The following STAG1 variants were observed in gnomAD, a reference collection of about 807,000 sequenced individuals.
The protein encoded by STAG1 is cohesin subunit SA-1.
STAG1 carries 26 observed loss-of-function variants against 170.9 expected under a neutral mutation model. The ratio of observed to expected loss-of-function variants is 0.15; its 90% CI spans 0.11 to 0.21. The LOEUF is 0.21. STAG1 is among the 10% of genes least tolerant of loss of function. The probability of loss-of-function intolerance (pLI) is 1.00; values close to 1 mark genes in which losing one functional copy is unlikely to be tolerated. For synonymous variants in STAG1, 514 were observed against 497.7 expected (o/e 1.03, Z -0.44); for missense variants, 964 against 1,509.5 (o/e 0.64, Z 5.99).
At chr3:136,747,812 G>A (rs1051285615) in intron 1 of STAG1, among the ~76,000 whole-genome samples, 5 of 145,652 alleles carry the variant, frequency 3.4e-5, no homozygotes, top group African/African-American at 1.3e-4. Flanking sequence ...GTCTCACTCT[G>A]TCACCCAGGC....
At chr3:136,506,772 G>C (rs1393438606) in intron 7 of STAG1, among the ~76,000 whole-genome samples, 1 of 152,032 alleles carries the variant, frequency 6.6e-6, no homozygotes, top group Non-Finnish European at 1.5e-5. Flanking sequence ...TTGTTTATTA[G>C]TTATGTAAGT....
At chr3:136,533,543 G>A (rs1347826901) in intron 6 of STAG1, among the ~76,000 whole-genome samples, 1 of 152,132 alleles carries the variant, frequency 6.6e-6, no homozygotes. Context: ...ACAGCAGAAC[G>A]TGAAGGTGAG....
chr3:136,536,157 A>C (rs1026956302), intron 6 of STAG1, among the ~76,000 whole-genome samples: 1 of 152,206 alleles, frequency 6.6e-6, no homozygotes, highest in African/African-American at 2.4e-5. Context: ...TCATTTAAGC[A>C]TCTCTCATAA....
At chr3:136,580,549 C>T (rs1416303018) in intron 4 of STAG1, among the ~76,000 whole-genome samples, 20 of 113,704 alleles carry the variant, frequency 1.8e-4, no homozygotes, top group African/African-American at 5.4e-4. Context: ...TTTTTTGAGA[C>T]GGAGTCTCGC....
intron 4 of STAG1, among the ~76,000 whole-genome samples, chr3:136,594,219 C>A (rs184276489): frequency 4.9e-4 from 74 of 152,246 alleles, no homozygotes; most frequent in Non-Finnish European, 3.2e-4. Context: ...TTGGTATAGT[C>A]ATAGAGTAAA....
intron 1 of STAG1, among the ~76,000 whole-genome samples, chr3:136,686,972 G>T (rs1381054167): frequency 1.3e-5 from 2 of 152,220 alleles, no homozygotes; most frequent in East Asian, 1.9e-4. Flanking sequence ...TTTATAAGGG[G>T]CTAACTGATC....
chr3:136,398,590 T>C (rs1047903824), intron 22 of STAG1, among the ~76,000 whole-genome samples, 159 bp downstream of exon 22: 1 of 152,090 alleles, frequency 6.6e-6, no homozygotes, highest in Admixed American at 6.6e-5. Context: ...AATGTATACT[T>C]ACTCATAAGA....
rs1338700727 is a variant in STAG1, at chr3:136,479,651, A to G, written c.903-2239T>C. On this transcript the variant is annotated intron_variant, in intron 9 of 33. Transcript: ENST00000383202. ...AGTTCTAGATCCCTGAGGAATCGCC[A>G]CACTGACTTCCACAATGGTTGAACT... Among the ~76,000 whole-genome samples, 2 of 50,316 alleles carry G rather than the reference A, an allele frequency of 4.0e-5. 1 individual carries two copies. The highest frequency in any genetic ancestry group is 8.5e-5 in the Non-Finnish European group (2 of 23,640). The allele number at this position is 50,316 out of a possible 152,430, so 33.0% of individuals were successfully genotyped here.
chr3:136,536,333 T>C (rs896738494), intron 6 of STAG1, among the ~76,000 whole-genome samples: 5 of 152,162 alleles, frequency 3.3e-5, no homozygotes, highest in African/African-American at 9.6e-5. Flanking sequence ...AAACAAATTA[T>C]ATGACCAGGG....
intron 4 of STAG1, among the ~76,000 whole-genome samples, chr3:136,574,436 C>T (rs1359787980): frequency 6.6e-6 from 1 of 151,654 alleles, no homozygotes; most frequent in African/African-American, 2.4e-5. Flanking sequence ...TTTATGTTTG[C>T]ATGGTGTATG....
intron 1 of STAG1, among the ~76,000 whole-genome samples, chr3:136,673,918 C>T (rs908929292): frequency 1.3e-5 from 2 of 151,860 alleles, no homozygotes; most frequent in East Asian, 1.9e-4. Context: ...GCCTGGGTAA[C>T]ATGGCAAAAC....
At chr3:136,627,573 C>A (rs533573525) in intron 2 of STAG1, among the ~76,000 whole-genome samples, 55 of 152,282 alleles carry the variant, frequency 3.6e-4, no homozygotes, top group African/African-American at 1.1e-3. Flanking sequence ...TAGTTTTGCA[C>A]TATTACAAAC....
intron 4 of STAG1, among the ~76,000 whole-genome samples, chr3:136,582,640 A>G (rs895408666): frequency 3.9e-5 from 6 of 152,084 alleles, no homozygotes; most frequent in African/African-American, 1.4e-4. Context: ...CTCTACTAAA[A>G]CTACAAAAAT....
chr3:136,338,087 T>C lies in STAG1; in HGVS notation c.*167A>G. On this transcript the variant is annotated 3_prime_UTR_variant, in exon 34 of 34. Transcript: ENST00000383202. ...CATTCACCAACATTCCCTTGGGTAA[T>C]TTACATGCTCCTCTTCTGTCACTGC... The C allele has an allele frequency of 1.7e-6, 1 of 582,500 alleles. No individual in the cohort carries two copies. The highest frequency in any genetic ancestry group is 3.1e-6 in the Non-Finnish European group (1 of 325,030). The allele number at this position is 582,500 out of a possible 1,614,324, so 36.1% of individuals were successfully genotyped here. A position where few individuals can be genotyped will look rare whatever the true frequency, so the allele number is the denominator to read the frequency against.
intron 21 of STAG1, among the ~76,000 whole-genome samples, chr3:136,402,127 C>T (rs1046448961): frequency 2.0e-5 from 3 of 152,096 alleles, no homozygotes; most frequent in Non-Finnish European, 4.4e-5. Context: ...TAAAGGTAAA[C>T]ATATGTAGAT....
chr3:136,512,735 A>AC (rs1440426153), intron 7 of STAG1, among the ~76,000 whole-genome samples: 1 of 121,862 alleles, frequency 8.2e-6, no homozygotes, highest in East Asian at 5.9e-4. Context: ...TTGAGGATCT[A>AC]TAAAAAAAAA....
At chr3:136,478,166 C>G (rs2089806890) in intron 9 of STAG1, among the ~76,000 whole-genome samples, 1 of 152,128 alleles carries the variant, frequency 6.6e-6, no homozygotes, top group Admixed American at 6.5e-5. Context: ...AGGCACAGGT[C>G]TTTCATCTGT....
intron 5 of STAG1, among the ~76,000 whole-genome samples, chr3:136,565,785 C>T (rs1937054666): frequency 1.3e-5 from 2 of 152,184 alleles, no homozygotes; most frequent in Non-Finnish European, 2.9e-5. Flanking sequence ...CTCAAATGTC[C>T]TTCAACAGAT....
chr3:136,670,217 C>T (rs1405842999), intron 1 of STAG1, among the ~76,000 whole-genome samples: 1 of 152,130 alleles, frequency 6.6e-6, no homozygotes, highest in South Asian at 2.1e-4. Flanking sequence ...TTTTCCCAAC[C>T]CTATAGCCAA....
Sources: allele counts gnomAD v4.1 joint callset (sites outside exome capture counted in the v4.1 genomes callset), GRCh38; gene constraint gnomAD v4.1.1; transcripts MANE v1.5; gene names NCBI Gene and HGNC (gene_info 2026-07-23, HGNC 2026-07-21).